The following SV2C variants were observed in gnomAD, a reference collection of about 807,000 sequenced individuals.
SV2C encodes the protein synaptic vesicle glycoprotein 2C.
Under a neutral mutation model 79.7 loss-of-function variants are expected in SV2C, and 49 were observed. The ratio of observed to expected loss-of-function variants is 0.61; its 90% CI spans 0.49 to 0.78. The LOEUF is 0.78. Among genes scored for constraint, SV2C ranks in the 30% least tolerant of loss-of-function variants. SV2C has a pLI of 0.00. For missense variants in SV2C, 833 were observed against 912.9 expected, an observed-to-expected ratio of 0.91 and a Z score of 1.13; for synonymous variants, 334 against 333.2, an observed-to-expected ratio of 1.00 and a Z score of -0.03.
chr5:76,169,749 A>G (rs1280335555), intron 2 of SV2C, among the ~76,000 whole-genome samples: 1 of 152,178 alleles, frequency 6.6e-6, no homozygotes, highest in Non-Finnish European at 1.5e-5. Context: ...TAGCACGTGG[A>G]ATTTGAGGGG....
At chr5:76,145,404 CAAAAT>C (rs1245179612) in intron 2 of SV2C, among the ~76,000 whole-genome samples, 2 of 152,150 alleles carry the variant, frequency 1.3e-5, no homozygotes, top group Admixed American at 1.3e-4. Context: ...GATCAATAAA[CAAAAT>C]AAATTACAGT....
At chr5:75,853,567 A>G in the SV2C span, among the ~76,000 whole-genome samples, 2 of 144,892 alleles carry the variant, frequency 1.4e-5, no homozygotes, top group Admixed American at 1.4e-4. Flanking sequence ...AAAAAAAAAA[A>G]AAAAAAAGAC....
chr5:76,278,363 G>A (rs565654918), intron 4 of SV2C, among the ~76,000 whole-genome samples: 7 of 152,206 alleles, frequency 4.6e-5, no homozygotes, highest in African/African-American at 1.7e-4. Flanking sequence ...CAATAAAACA[G>A]GCCTACGTGA....
chr5:76,285,261 C>T lies in SV2C; in HGVS notation c.1013C>T (p.Thr338Ile). 1 of 1,614,224 alleles carries T rather than the reference C, an allele frequency of 6.2e-7. No homozygotes were observed. The highest frequency in any genetic ancestry group is 8.5e-7 in the Non-Finnish European group (1 of 1,180,026). Residue 338 changes from threonine (T) to isoleucine (I), a missense_variant, in exon 5 of 13, where the codon ACA (threonine) becomes ATA (isoleucine). By Grantham distance (89) the Thr-to-Ile change is moderately conservative. Coordinates refer to ENST00000502798, the MANE Select transcript of SV2C (RefSeq NM_014979.4). The part of the protein sequence containing the change: ...LPCVSSVVAL[T>I]FMPESPRFLL... ...TGTGTCTCCTCCGTGGTGGCCCTCA[C>T]ATTCATGCCTGAAAGCCCACGATTC...
At chr5:76,160,455 C>T (rs929502300) in intron 2 of SV2C, among the ~76,000 whole-genome samples, 7 of 152,082 alleles carry the variant, frequency 4.6e-5, no homozygotes, top group Non-Finnish European at 7.4e-5. Context: ...AACAGGAATG[C>T]CAAGACCATC....
At chr5:76,136,529 GT>G (rs10550410) in intron 2 of SV2C, among the ~76,000 whole-genome samples, 4,069 of 147,816 alleles carry the variant, frequency 0.028, 182 homozygotes, top group African/African-American at 0.084. Context: ...AGTGCTTTAT[GT>G]TTTTTTTTTT....
At chr5:75,927,255 G>A in the SV2C span, among the ~76,000 whole-genome samples, 3 of 151,950 alleles carry the variant, frequency 2.0e-5, no homozygotes, top group East Asian at 1.9e-4. Flanking sequence ...AATGTCCATC[G>A]ACAGATGAAT....
chr5:76,292,806 T>C (rs1326091777), intron 8 of SV2C, among the ~76,000 whole-genome samples: 1 of 152,240 alleles, frequency 6.6e-6, no homozygotes, highest in African/African-American at 2.4e-5. Context: ...CAAGATTTTA[T>C]TTGTTAATCG....
the SV2C span, among the ~76,000 whole-genome samples, chr5:76,043,865 A>C: frequency 0.018 from 2,700 of 152,120 alleles, 41 homozygotes; most frequent in South Asian, 0.049. Flanking sequence ...CTCCCTCCTG[A>C]CTTTTATTCC....
chr5:76,289,159 T>C lies in SV2C; in HGVS notation c.1138-2062T>C, dbSNP rs542366773. On this transcript the variant is annotated intron_variant, in intron 6 of 12. Transcript: ENST00000502798. ...GCCTCAGCCTCGCAAAGGGCTGGAA[T>C]TGCAGATGTGAGTCACCATGCCTGG... Among the ~76,000 whole-genome samples, 29 of 152,348 alleles carry C rather than the reference T, an allele frequency of 1.9e-4. No individual in the cohort carries two copies. In the South Asian group the frequency reaches 5.2e-3, roughly 27 times the overall value.
At position 76,217,892 on chromosome 5, in the gene SV2C, A is replaced by C. The variant is rs141461382; in HGVS notation, c.913+8005A>C. ...GTAATTTAATATTCAAGGGGCATGT[A>C]CTATATAAAGACCCATTTTCAAGGC... is the stretch of plus-strand genomic sequence containing the variant. On this transcript the variant is annotated intron_variant, in intron 4 of 12. Coordinates refer to ENST00000502798, the MANE Select transcript of SV2C (RefSeq NM_014979.4). Among the ~76,000 whole-genome samples the C allele has an allele frequency of 8.5e-5, 13 of 152,302 alleles. No homozygotes were observed. In the East Asian group the frequency reaches 2.5e-3, roughly 29 times the overall value.
chr5:75,892,239 C>T, the SV2C span, among the ~76,000 whole-genome samples: 1 of 151,780 alleles, frequency 6.6e-6, no homozygotes, highest in South Asian at 2.1e-4. Context: ...TAGTCACTAC[C>T]CTATTTTTTT....
At chr5:76,059,964 C>G in the SV2C span, among the ~76,000 whole-genome samples, 2 of 152,086 alleles carry the variant, frequency 1.3e-5, no homozygotes, top group African/African-American at 4.8e-5. Context: ...ATATCTCCAT[C>G]AGAGCTTTTG....
chr5:76,325,377 GGCTTCTTA>G lies in SV2C; in HGVS notation c.2015_2022del (p.Gly672GlufsTer46). 6.2e-7 allele frequency: 1 copy of G among 1,614,144 alleles called. No individual in the cohort carries two copies. Among genetic ancestry groups the G allele is most frequent in the Non-Finnish European group, 8.5e-7 (1 of 1,180,012 alleles). On this transcript the variant is annotated frameshift_variant, in exon 13 of 13. Coordinates refer to ENST00000502798, the MANE Select transcript of SV2C (RefSeq NM_014979.4). LOFTEE classifies it high-confidence loss of function. The stretch of plus-strand genomic sequence containing the variant: ...TTTCCTTTGCAGGGCAACAGGCTTT[GGCTTCTTA>G]AATGCGCTATGCAAGGCAGCAGCCG...
At chr5:76,248,316 G>C (rs1400151513) in intron 4 of SV2C, among the ~76,000 whole-genome samples, 1 of 152,120 alleles carries the variant, frequency 6.6e-6, no homozygotes, top group Admixed American at 6.5e-5. Flanking sequence ...GGCAGGTTTG[G>C]TTTCTTCTGA....
intron 12 of SV2C, among the ~76,000 whole-genome samples, chr5:76,318,167 C>G (rs577211362): frequency 6.6e-6 from 1 of 152,318 alleles, no homozygotes; most frequent in Admixed American, 6.5e-5. Flanking sequence ...TGCCGGTAAT[C>G]CCAGCACTTT....
chr5:76,084,670 C>T (rs1747115498), intron 1 of SV2C, among the ~76,000 whole-genome samples: 1 of 110,634 alleles, frequency 9.0e-6, no homozygotes, highest in Admixed American at 1.4e-4. Flanking sequence ...GCGAGTGATG[C>T]AAATGCAGAC....
chr5:76,001,446 C>T, the SV2C span, among the ~76,000 whole-genome samples: 3 of 151,972 alleles, frequency 2.0e-5, no homozygotes, highest in African/African-American at 7.2e-5. Flanking sequence ...ACTGAAAATA[C>T]AAAAAATTAG....
At chr5:76,027,455 G>A in the SV2C span, among the ~76,000 whole-genome samples, 57 of 151,110 alleles carry the variant, frequency 3.8e-4, no homozygotes, top group African/African-American at 1.2e-3. Context: ...GAAAGCAGTT[G>A]TTCTTTCTGT....
Sources: gnomAD v4.1 joint callset for allele counts (sites outside exome capture counted in the v4.1 genomes callset) on GRCh38, gnomAD v4.1.1 for gene constraint, MANE v1.5 for transcripts, NCBI Gene and HGNC (gene_info 2026-07-23, HGNC 2026-07-21) for gene names.